Variants in RBM14 observed in about 807,000 individuals in gnomAD.
RBM14 encodes the protein RNA-binding protein 14.
In RBM14, 5 loss-of-function variants were observed where a neutral mutation model predicts 52.8. The observed-to-expected ratio is 0.09, with a 90% CI of 0.05 to 0.20. The LOEUF (loss-of-function observed/expected upper bound fraction) is 0.20, where lower values mean the gene tolerates loss of function less well. Ranked by LOEUF, RBM14 falls within the 10% of genes least tolerant of loss-of-function variation. The pLI is 1.00. For missense variants in RBM14, 780 were observed against 926.6 expected, an observed-to-expected ratio of 0.84 and a Z score of 2.05; for synonymous variants, 411 against 401.8, an observed-to-expected ratio of 1.02 and a Z score of -0.28.
In RBM14 at chr11:66,625,641, G is replaced by T. The variant is rs775155450; in HGVS notation, c.1765G>T (p.Asp589Tyr). 1.2e-6 allele frequency: 2 copies of T among 1,612,628 alleles called. No homozygotes were observed. ...TRLSPPRASY[D>Y]DPYKKAVAMS... ...CCTCTCCCCACCCCGGGCCAGCTAC[G>T]ACGATCCCTACAAAAAGGCTGTCGC... The change falls in exon 2 of 3, where the codon GAC becomes TAC. Residue 589 changes from aspartate (D) to tyrosine (Y), a missense_variant. Physicochemically the swap from Asp to Tyr is radical, Grantham distance 160. This residue lies in a region of RBM14 where 675 missense variants were observed against 697.3 expected (regional missense o/e 0.97). Transcript: ENST00000310137. This position sits in a 1 kb window ranked among gnomAD's most constrained non-coding sequence, Gnocchi z 4.2.
Position 66,626,815 on chromosome 11 carries a change from AT to A in RBM14, c.*148del. ...CCATGTGGGCCTTCCCCAGGAGATG[AT>A]CCTGTTAAGTGTTCGGCAGTAACCT... On this transcript the variant is annotated 3_prime_UTR_variant, in exon 3 of 3. Coordinates refer to ENST00000310137, the MANE Select transcript of RBM14 (RefSeq NM_006328.4). 1 of 791,280 alleles carries A rather than the reference AT, an allele frequency of 1.3e-6. No homozygotes were observed. The highest frequency in any genetic ancestry group is 2.0e-6 in the Non-Finnish European group (1 of 511,702). The allele number at this position is 791,280 out of a possible 1,614,324, so 49.0% of individuals were successfully genotyped here. A position where few individuals can be genotyped will look rare whatever the true frequency, so the allele number is the denominator to read the frequency against.
In RBM14 at chr11:66,625,801, G is replaced by A; in HGVS notation, c.1802+123G>A. 1 of 774,206 alleles carries A rather than the reference G, an allele frequency of 1.3e-6. No individual in the cohort carries two copies. Among genetic ancestry groups the A allele is most frequent in the Non-Finnish European group, 2.0e-6 (1 of 495,082 alleles). 48.0% of individuals were successfully genotyped at this position (774,206 alleles called of 1,614,324 possible). The stretch of plus-strand genomic sequence containing the variant: ...GGTCTTCTCTTCTCTATTTTTGTGG[G>A]ATGTCCAGAGGCCGAGGGGAGCAGT... On this transcript the variant is annotated intron_variant, in intron 2 of 2. Coordinates refer to ENST00000310137, the MANE Select transcript of RBM14 (RefSeq NM_006328.4). The surrounding 1 kb of genome is among the most constrained non-coding windows in gnomAD (Gnocchi z 4.2).
At chr11:66,617,082 C>A (rs756463295) in intron 1 of RBM14, 25 bp downstream of exon 1, 28 of 1,551,940 alleles carry the variant, frequency 1.8e-5, no homozygotes, top group South Asian at 2.4e-5. Context: ...CGCTCGGGGG[C>A]GGGGGCGCGC....
At chr11:66,617,866 CT>C (rs1858914448) in intron 1 of RBM14, among the ~76,000 whole-genome samples, 1 of 152,116 alleles carries the variant, frequency 6.6e-6, no homozygotes, top group South Asian at 2.1e-4. Flanking sequence ...CAGTGTCATT[CT>C]TTTATAAGCT....
rs750110574 is a variant in RBM14, at chr11:66,624,340, C to CTGG, written c.465_467dup (p.Gly156dup). 6.2e-7 allele frequency: 1 copy of CTGG among 1,614,146 alleles called. No homozygotes were observed. The highest frequency in any genetic ancestry group is 1.7e-5 in the Admixed American group (1 of 60,022). On this transcript the variant is annotated inframe_insertion, in exon 2 of 3. Transcript: ENST00000310137. The surrounding 1 kb of genome is among the most constrained non-coding windows in gnomAD (Gnocchi z 4.7). ...TCCACCAAGGGTCAGAAGAAGGGGC[C>CTGG]TGGCCTGGCTGTCCAGTCTGGGGAC...
At position 66,626,389 on chromosome 11, in the gene RBM14, A is replaced by G. The variant is rs1937805489; in HGVS notation, c.1803-72A>G. The G allele has an allele frequency of 2.8e-6, 4 of 1,427,836 alleles. No homozygotes were observed. In the East Asian group the frequency reaches 9.1e-5, roughly 33 times the overall value. The allele number at this position is 1,427,836 out of a possible 1,614,324, so 88.4% of individuals were successfully genotyped here. On this transcript the variant is annotated intron_variant, in intron 2 of 2. Coordinates refer to ENST00000310137, the MANE Select transcript of RBM14 (RefSeq NM_006328.4). ...TCACACCCTCCCTGTCCCCATTGGC[A>G]TCTCCCCAATGCCCACCTGGAGTCC...
In RBM14 at chr11:66,624,879, G is replaced by C. The variant is rs1937714482; in HGVS notation, c.1003G>C (p.Gly335Arg). 1 of 1,613,236 alleles carries C rather than the reference G, an allele frequency of 6.2e-7. No homozygotes were observed. The highest frequency in any genetic ancestry group is 8.5e-7 in the Non-Finnish European group (1 of 1,179,778). ...ASSLNSYGAQ[G>R]SSLASYGNQP... ...TTCGCTCAACTCCTATGGGGCTCAGGGTTCCTCCCTTGCCTCCTATGGTAA... is the reference window on the plus strand; with the variant it reads ...TTCGCTCAACTCCTATGGGGCTCAGCGTTCCTCCCTTGCCTCCTATGGTAA... The change falls in exon 2 of 3, where the codon GGT (glycine) becomes CGT (arginine). Residue 335 changes from glycine to arginine, a missense_variant. Around this residue, in one of 4 missense-constraint regions of RBM14, gnomAD observed 675 missense variants for 697.3 expected, o/e 0.97. Transcript: ENST00000310137. This position sits in a 1 kb window ranked among gnomAD's most constrained non-coding sequence, Gnocchi z 4.7.
rs566072289 is a variant in RBM14 at position 66,616,666 on chromosome 11, G to C, written c.-55G>C. 26 of 1,520,080 alleles carry C rather than the reference G, an allele frequency of 1.7e-5. No individual in the cohort carries two copies. In the African/African-American group the frequency reaches 2.2e-4, roughly 13 times the overall value. 94.2% of individuals were successfully genotyped at this position (1,520,080 alleles called of 1,614,324 possible). On this transcript the variant is annotated 5_prime_UTR_variant, in exon 1 of 3. Coordinates refer to ENST00000310137, the MANE Select transcript of RBM14 (RefSeq NM_006328.4). ...GGACTGCCGGTCGTTCGGACGTCTT[G>C]CCTGTCGCTGGAGGAGAGGTCCGGG...
chr11:66,625,739 G>GC lies in RBM14; in HGVS notation c.1802+62dup. 1 of 1,341,834 alleles carries GC rather than the reference G, an allele frequency of 7.5e-7. No individual in the cohort carries two copies. The highest frequency in any genetic ancestry group is 1.0e-6 in the Non-Finnish European group (1 of 984,338). 83.1% of individuals were successfully genotyped at this position (1,341,834 alleles called of 1,614,324 possible). On this transcript the variant is annotated intron_variant, in intron 2 of 2. Transcript: ENST00000310137. The surrounding 1 kb of genome is among the most constrained non-coding windows in gnomAD (Gnocchi z 4.2). ...GGCTTAGGGCAAGGGGCTGAGGTTGGCATGGGAGGGAAACTGGAGGCATCG... is the reference window on the plus strand; with the variant it reads ...GGCTTAGGGCAAGGGGCTGAGGTTGGCCATGGGAGGGAAACTGGAGGCATCG...
rs746131299 is a variant in RBM14 at position 66,625,695 on chromosome 11, C to CG, written c.1802+18dup. 1 of 1,553,696 alleles carries CG rather than the reference C, an allele frequency of 6.4e-7. No individual in the cohort carries two copies. Among genetic ancestry groups the CG allele is most frequent in the Non-Finnish European group, 8.7e-7 (1 of 1,144,918 alleles). On this transcript the variant is annotated intron_variant, in intron 2 of 2. Coordinates refer to ENST00000310137, the MANE Select transcript of RBM14 (RefSeq NM_006328.4). The surrounding 1 kb of genome is among the most constrained non-coding windows in gnomAD (Gnocchi z 4.2). ...GTCGAAAAGGTACTGTATGCCCCCCCGCCTCTGCCCCCAGCTGGGGCTTAG... is the reference window on the plus strand; with the variant it reads ...GTCGAAAAGGTACTGTATGCCCCCCCGGCCTCTGCCCCCAGCTGGGGCTTAG...
chr11:66,626,602 T>C lies in RBM14; in HGVS notation c.1944T>C (p.Tyr648=). 1.2e-6 allele frequency: 2 copies of C among 1,613,756 alleles called. No homozygotes were observed. Among genetic ancestry groups the C allele is most frequent in the Non-Finnish European group, 1.7e-6 (2 of 1,180,004 alleles). ...LPDAHSDYAR[Y]SGSYNDYLRA... is the part of the protein sequence containing the mutation. ...ATGCCCATTCCGATTACGCACGCTA[T>C]TCGGGCTCCTATAATGATTACCTGC... Residue 648 remains tyrosine (Y), a synonymous_variant, in exon 3 of 3, where the codon TAT becomes TAC. Transcript: ENST00000310137.
chr11:66,616,801 G>A lies in RBM14; in HGVS notation c.81G>A (p.Thr27=), dbSNP rs376473812. The A allele has an allele frequency of 6.2e-7, 1 of 1,610,932 alleles. No homozygotes were observed. The highest frequency in any genetic ancestry group is 8.5e-7 in the Non-Finnish European group (1 of 1,178,302). ...ELAALFAPYG[T]VMSCAVMKQF... ...CAGCCCTCTTTGCGCCCTACGGCAC[G>A]GTCATGAGCTGCGCCGTCATGAAAC... is the stretch of plus-strand genomic sequence containing the variant. The change falls in exon 1 of 3, where the codon ACG becomes ACA. Residue 27 remains threonine (T), a synonymous_variant. Coordinates refer to ENST00000310137, the MANE Select transcript of RBM14 (RefSeq NM_006328.4).
At position 66,624,416 on chromosome 11, in the gene RBM14, C is replaced by T. The variant is rs778556714; in HGVS notation, c.540C>T (p.Gly180=). ...ATACGGCCTTCCCTGGAACTGGTGGCTTCTCTGCCACCTTCGACTACCAGC... is the reference window on the plus strand; with the variant it reads ...ATACGGCCTTCCCTGGAACTGGTGGTTTCTCTGCCACCTTCGACTACCAGC... The part of the protein sequence containing the change: ...AGDTAFPGTG[G]FSATFDYQQA... The change falls in exon 2 of 3, where the codon GGC becomes GGT. Residue 180 remains glycine (G), a synonymous_variant. Coordinates refer to ENST00000310137, the MANE Select transcript of RBM14 (RefSeq NM_006328.4). This position sits in a 1 kb window ranked among gnomAD's most constrained non-coding sequence, Gnocchi z 4.7. The T allele has an allele frequency of 4.0e-5, 64 of 1,614,034 alleles. No homozygotes were observed. Among genetic ancestry groups the T allele is most frequent in the Non-Finnish European group, 5.3e-5 (62 of 1,179,986 alleles).
At chr11:66,623,988 A>G (rs1274947097) in intron 1 of RBM14, 1 of 787,238 alleles carries the variant, frequency 1.3e-6, no homozygotes, top group South Asian at 1.5e-5. Flanking sequence ...CAGGGTTTGT[A>G]AAGGGGAGAA....
At chr11:66,619,727 C>T (rs1249077679) in intron 1 of RBM14, among the ~76,000 whole-genome samples, 1 of 152,000 alleles carries the variant, frequency 6.6e-6, no homozygotes, top group Admixed American at 6.6e-5. Flanking sequence ...CCACCACACC[C>T]AGCTAATTTT....
rs1937818098 is a variant in RBM14, at chr11:66,626,584, T to C, written c.1926T>C (p.His642=). 1 of 1,613,936 alleles carries C rather than the reference T, an allele frequency of 6.2e-7. No individual in the cohort carries two copies. Among genetic ancestry groups the C allele is most frequent in the Non-Finnish European group, 8.5e-7 (1 of 1,180,018 alleles). The part of the protein sequence containing the change: ...SLDYRRLPDA[H]SDYARYSGSY... The stretch of plus-strand genomic sequence containing the variant: ...ATTACCGTCGCCTGCCCGATGCCCA[T>C]TCCGATTACGCACGCTATTCGGGCT... Residue 642 remains histidine (H), a synonymous_variant, in exon 3 of 3, where the codon CAT becomes CAC. Coordinates refer to ENST00000310137, the MANE Select transcript of RBM14 (RefSeq NM_006328.4).
In RBM14 at chr11:66,628,181, A is replaced by T. The variant is rs1487706874; in HGVS notation, c.*1513A>T. 3.9e-5 allele frequency among the ~76,000 whole-genome samples: 6 copies of T among 152,076 alleles called. No homozygotes were observed. Among genetic ancestry groups the T allele is most frequent in the Non-Finnish European group, 8.8e-5 (6 of 68,016 alleles). On this transcript the variant is annotated 3_prime_UTR_variant, in exon 3 of 3. Coordinates refer to ENST00000310137, the MANE Select transcript of RBM14 (RefSeq NM_006328.4). ...CTGGGGATCGAGGATCTGGGCAAAA[A>T]ATATGACATTTCCAACCAGGGACAA...
chr11:66,621,576 C>G (rs571720301), intron 1 of RBM14, among the ~76,000 whole-genome samples: 13 of 152,174 alleles, frequency 8.5e-5, no homozygotes, highest in African/African-American at 3.1e-4. Flanking sequence ...GGCGTTTCAC[C>G]TTGTTGGTCA....
intron 1 of RBM14, chr11:66,623,942 C>G (rs1465610241): frequency 2.8e-6 from 2 of 721,468 alleles, no homozygotes; most frequent in Non-Finnish European, 5.1e-6. Context: ...TTCATCTTTG[C>G]TCCTTCTTCT....
Sources: allele counts gnomAD v4.1 joint callset (sites outside exome capture counted in the v4.1 genomes callset), GRCh38; gene constraint gnomAD v4.1.1; regional missense constraint gnomAD v4.1.1; non-coding constraint Gnocchi (gnomAD v3.1); transcripts MANE v1.5; gene names NCBI Gene and HGNC (gene_info 2026-07-23, HGNC 2026-07-21).